TVP23C: variants seen among roughly 807,000 people sequenced by gnomAD.
TVP23C encodes the protein trans-golgi network vesicle protein 23 homolog C.
TVP23C carries 19 observed loss-of-function variants against 28.7 expected under a neutral mutation model. The ratio of observed to expected loss-of-function variants is 0.66; its 90% CI spans 0.46 to 0.97. The LOEUF (loss-of-function observed/expected upper bound fraction) is 0.97. Among genes scored for constraint, TVP23C ranks in the 50% least tolerant of loss-of-function variants. The pLI, the probability that TVP23C is intolerant of heterozygous loss-of-function variation, is 0.00. For missense variants in TVP23C, 186 were observed against 241.3 expected, an observed-to-expected ratio of 0.77 and a Z score of 1.52; for synonymous variants, 68 against 81.7, an observed-to-expected ratio of 0.83 and a Z score of 0.90.
chr17:15,553,533 A>C (rs906139154), intron 3 of TVP23C, 152 bp downstream of exon 3: 55 of 1,082,630 alleles, frequency 5.1e-5, no homozygotes, highest in Non-Finnish European at 6.5e-5. Context: ...AAAAAAAAAA[A>C]AAAAAACTAC....
Position 15,559,312 on chromosome 17 carries a change from T to TAA in TVP23C, c.13-3949_13-3948insTT, listed in dbSNP as rs1250794235. On this transcript the variant is annotated intron_variant, in intron 1 of 5. Transcript: ENST00000518321. ...AGGTACTGCTGTAAGTGGTACAGAT[T>TAA]TAAAAAAAAAAAAAAAAAAAAAAAG... is the stretch of plus-strand genomic sequence containing the variant. Among the ~76,000 whole-genome samples the TAA allele has an allele frequency of 4.2e-5, 4 of 95,366 alleles. No individual in the cohort carries two copies. In the East Asian group the frequency reaches 1.5e-3, roughly 36 times the overall value. The allele number at this position is 95,366 out of a possible 152,430, so 62.6% of individuals were successfully genotyped here. A position where few individuals can be genotyped will look rare whatever the true frequency, so the allele number is the denominator to read the frequency against.
chr17:15,546,131 A>G (rs1567641574), intron 4 of TVP23C, among the ~76,000 whole-genome samples: 1 of 152,164 alleles, frequency 6.6e-6, no homozygotes, highest in Non-Finnish European at 1.5e-5. Context: ...GGCAGGATGG[A>G]TGGTTTACCA....
chr17:15,561,119 G>A (rs936998237), intron 1 of TVP23C, among the ~76,000 whole-genome samples: 2 of 152,144 alleles, frequency 1.3e-5, no homozygotes, highest in Non-Finnish European at 1.5e-5. Flanking sequence ...ATTGTCTTCC[G>A]ACGGCTTCCA....
downstream of TVP23C, among the ~76,000 whole-genome samples, chr17:15,536,432 T>C (rs1458501645): frequency 6.6e-6 from 1 of 152,174 alleles, no homozygotes; most frequent in Non-Finnish European, 1.5e-5. Context: ...CTTGGTGGTG[T>C]GGCCACACCA....
chr17:15,508,524 G>A (rs11078307), intron 5 of TVP23C, among the ~76,000 whole-genome samples: 118,247 of 152,120 alleles, frequency 0.78, 46,881 homozygotes, highest in Middle Eastern at 0.89. Context: ...CCTGTTCCTC[G>A]GAGGACTGGG....
chr17:15,563,415 C>A lies in TVP23C; in HGVS notation c.12+22G>T, dbSNP rs750424305. ...CCAGTCCCAGGAGCCGCCACCCTCC[C>A]AGCGCGCCCTCAGCCCCTCACCTGC... On this transcript the variant is annotated intron_variant, in intron 1 of 5. Coordinates refer to ENST00000518321, the MANE Select transcript of TVP23C (RefSeq NM_001135036.2). The A allele has an allele frequency of 1.4e-5, 23 of 1,589,546 alleles. No individual in the cohort carries two copies. The South Asian group carries it at 2.5e-4, about 17-fold the overall frequency.
At chr17:15,521,920 T>C (rs1312113885) in intron 5 of TVP23C, among the ~76,000 whole-genome samples, 2 of 152,206 alleles carry the variant, frequency 1.3e-5, no homozygotes, top group African/African-American at 2.4e-5. Flanking sequence ...GCACTTCTCA[T>C]GTTGCAGGTA....
chr17:15,512,011 C>A (rs1982025572), intron 5 of TVP23C, among the ~76,000 whole-genome samples: 1 of 152,186 alleles, frequency 6.6e-6, no homozygotes, highest in Non-Finnish European at 1.5e-5. Context: ...GAAACACAGG[C>A]TGCTGGGTCT....
chr17:15,538,788 C>T lies in TVP23C; in HGVS notation c.*1624G>A. 2 of 985,240 alleles carry T rather than the reference C, an allele frequency of 2.0e-6. No individual in the cohort carries two copies. Among genetic ancestry groups the T allele is most frequent in the Non-Finnish European group, 2.4e-6 (2 of 829,906 alleles). The allele number at this position is 985,240 out of a possible 1,614,324, so 61.0% of individuals were successfully genotyped here. A position where few individuals can be genotyped will look rare whatever the true frequency, so the allele number is the denominator to read the frequency against. ...ATGTTCCTCCCCACCTTCAGAAACA[C>T]TGAAAATTCTAACGAAAAAAACCTA... On this transcript the variant is annotated 3_prime_UTR_variant, in exon 6 of 6. Transcript: ENST00000518321.
chr17:15,505,838 G>A (rs115025267), intron 5 of TVP23C, among the ~76,000 whole-genome samples: 3,220 of 152,318 alleles, frequency 0.021, 126 homozygotes, highest in African/African-American at 0.071. Context: ...CCGGGCCAGC[G>A]GCTGCGTACG....
At chr17:15,507,146 C>G (rs917747635) in intron 5 of TVP23C, 1 of 807,148 alleles carries the variant, frequency 1.2e-6, no homozygotes. Context: ...CAGGTCCTGA[C>G]ATCTTGTCCA....
chr17:15,563,443 C>T lies in TVP23C; in HGVS notation c.6G>A (p.Leu2=). ...CGCGCCCTCAGCCCCTCACCTGCTG[C>T]AACATGGCGGCCCTACGCCAGCCCT... is the stretch of plus-strand genomic sequence containing the variant. M[L]QQDSNDDTED... Residue 2 remains leucine (L), a synonymous_variant, in exon 1 of 6, where the codon TTG becomes TTA. Transcript: ENST00000518321. The T allele has an allele frequency of 3.8e-6, 6 of 1,592,712 alleles. No homozygotes were observed. Among genetic ancestry groups the T allele is most frequent in the Non-Finnish European group, 5.1e-6 (6 of 1,171,432 alleles).
intron 5 of TVP23C, among the ~76,000 whole-genome samples, chr17:15,508,196 C>T (rs999273553): frequency 1.3e-5 from 2 of 152,162 alleles, no homozygotes; most frequent in Non-Finnish European, 2.9e-5. Flanking sequence ...TTGAAGGCAT[C>T]TCTCAGTTGG....
chr17:15,522,422 A>C (rs1214065531), intron 5 of TVP23C, among the ~76,000 whole-genome samples: 1 of 152,190 alleles, frequency 6.6e-6, no homozygotes, highest in African/African-American at 2.4e-5. Flanking sequence ...TAAATAAGGA[A>C]AAAATAGACC....
chr17:15,517,148 T>C (rs187099077), intron 5 of TVP23C, among the ~76,000 whole-genome samples: 8 of 152,368 alleles, frequency 5.3e-5, no homozygotes, highest in Admixed American at 5.2e-4. Context: ...ACATGCCTTT[T>C]TGTGGACTAC....
At chr17:15,553,049 G>C (rs1983964446) in intron 3 of TVP23C, among the ~76,000 whole-genome samples, 1 of 150,566 alleles carries the variant, frequency 6.6e-6, no homozygotes, top group Admixed American at 6.7e-5. Flanking sequence ...CTGACATTTT[G>C]GGTCAGGTAG....
At chr17:15,502,417 C>G in exon 6 of TVP23C, 1 of 160,410 alleles carries the variant, frequency 6.2e-6, no homozygotes, top group Non-Finnish European at 1.4e-5. Flanking sequence ...AGGGACGCAG[C>G]CACACGCAGA....
chr17:15,545,194 T>C (rs746734008), intron 5 of TVP23C, among the ~76,000 whole-genome samples: 16 of 152,114 alleles, frequency 1.1e-4, no homozygotes, highest in Non-Finnish European at 2.4e-4. Flanking sequence ...TTAGGCTAGA[T>C]TGTAAAAGCT....
intron 5 of TVP23C, among the ~76,000 whole-genome samples, chr17:15,505,993 G>C (rs949424455): frequency 2.0e-5 from 3 of 152,214 alleles, no homozygotes; most frequent in Non-Finnish European, 4.4e-5. Flanking sequence ...GCTCCTGTGC[G>C]GCCCAAGCCT....
Sources: gnomAD v4.1 joint callset for allele counts (sites outside exome capture counted in the v4.1 genomes callset) on GRCh38, gnomAD v4.1.1 for gene constraint, MANE v1.5 for transcripts, NCBI Gene and HGNC (gene_info 2026-07-23, HGNC 2026-07-21) for gene names.